CCDC178: variants seen among roughly 807,000 people sequenced by gnomAD.
The protein encoded by CCDC178 is coiled-coil domain-containing protein 178.
Under a neutral mutation model 117.4 loss-of-function variants are expected in CCDC178, and 126 were observed. The observed-to-expected ratio is 1.07, with a 90% confidence interval of 0.93 to 1.24. The LOEUF (loss-of-function observed/expected upper bound fraction) is 1.24. CCDC178 is among the 50% of genes most tolerant of loss of function. CCDC178 has a pLI of 0.00. For missense variants in CCDC178, 1,030 were observed against 986.9 expected (o/e 1.04, Z -0.59); for synonymous variants, 283 against 313.4 (o/e 0.90, Z 1.02).
intron 11 of CCDC178, among the ~76,000 whole-genome samples, chr18:33,312,918 A>G (rs776936630): frequency 1.3e-5 from 2 of 152,210 alleles, no homozygotes; most frequent in Non-Finnish European, 2.9e-5. Flanking sequence ...AGTATACTCC[A>G]GTGGGCCAGA....
intron 2 of CCDC178, among the ~76,000 whole-genome samples, chr18:33,425,573 G>C (rs748497854): frequency 3.0e-4 from 45 of 152,162 alleles, no homozygotes; most frequent in Admixed American, 8.5e-4. Context: ...TCTTACACTT[G>C]ATTCCAATTA....
At chr18:33,275,812 T>C (rs1271525315) in intron 12 of CCDC178, among the ~76,000 whole-genome samples, 5 of 151,890 alleles carry the variant, frequency 3.3e-5, no homozygotes, top group African/African-American at 1.2e-4. Flanking sequence ...AATTTTTTTC[T>C]ACCTAAAACA....
intron 5 of CCDC178, among the ~76,000 whole-genome samples, chr18:33,388,868 C>T (rs1404248157): frequency 6.6e-6 from 1 of 152,012 alleles, no homozygotes; most frequent in Admixed American, 6.6e-5. Flanking sequence ...AGCCATTATC[C>T]TCAGCAAACT....
At position 33,039,992 on chromosome 18, in the gene CCDC178, TA is replaced by T. The variant is rs142435491; in HGVS notation, c.2388+52768del. 7.9e-3 allele frequency among the ~76,000 whole-genome samples: 1,203 copies of T among 151,818 alleles called. 10 individuals carry two copies. Among genetic ancestry groups the T allele is most frequent in the Non-Finnish European group, 9.6e-3 (653 of 67,882 alleles). Reference sequence around the variant, plus strand: ...CAACCACAAGAAAATCCAGGATTTATAAAAAATTACCATAAGAAAAAAAATA... The same window carrying T: ...CAACCACAAGAAAATCCAGGATTTATAAAAATTACCATAAGAAAAAAAATA... On this transcript the variant is annotated intron_variant, in intron 21 of 22. Transcript: ENST00000383096.
chr18:33,197,335 T>A (rs1352295991), intron 20 of CCDC178, among the ~76,000 whole-genome samples: 1 of 152,136 alleles, frequency 6.6e-6, no homozygotes, highest in Non-Finnish European at 1.5e-5. Context: ...AGCCACTTGA[T>A]CTTAGTACCC....
intron 21 of CCDC178, among the ~76,000 whole-genome samples, chr18:33,066,348 T>A (rs905078217): frequency 5.3e-5 from 8 of 151,492 alleles, no homozygotes; most frequent in African/African-American, 1.9e-4. Context: ...GATATATAAG[T>A]AAGAAAGAGA....
intron 7 of CCDC178, among the ~76,000 whole-genome samples, chr18:33,355,426 G>A (rs1293957204): frequency 6.6e-6 from 1 of 152,192 alleles, no homozygotes; most frequent in Non-Finnish European, 1.5e-5. Flanking sequence ...CTCCAATCTT[G>A]GCAGATTTGG....
chr18:33,222,119 A>T (rs530071122), intron 18 of CCDC178, among the ~76,000 whole-genome samples: 1 of 152,222 alleles, frequency 6.6e-6, no homozygotes, highest in East Asian at 1.9e-4. Flanking sequence ...ATTTGGGGGT[A>T]AAACAGTAGA....
At chr18:33,389,495 A>C in intron 5 of CCDC178, 45 bp downstream of exon 5, 1 of 886,740 alleles carries the variant, frequency 1.1e-6, no homozygotes, top group Non-Finnish European at 1.6e-6. Flanking sequence ...GATAATATAA[A>C]TATAGTTTAT....
chr18:33,020,744 G>C (rs1241559054), intron 21 of CCDC178, among the ~76,000 whole-genome samples: 2 of 152,120 alleles, frequency 1.3e-5, no homozygotes, highest in African/African-American at 4.8e-5. Context: ...CCTGCCCACA[G>C]GTGGCCTATG....
intron 11 of CCDC178, among the ~76,000 whole-genome samples, chr18:33,316,540 G>A (rs1000298728): frequency 5.2e-4 from 79 of 152,152 alleles, no homozygotes; most frequent in African/African-American, 1.8e-3. Flanking sequence ...GATGGCGCCC[G>A]GAGAGCAGGT....
intron 21 of CCDC178, among the ~76,000 whole-genome samples, chr18:32,988,079 AAATAATAATAATAATAAT>A (rs145642185): frequency 1.3e-4 from 18 of 141,234 alleles, no homozygotes; most frequent in African/African-American, 2.4e-4. Context: ...ATCCGTCTCA[AAATAATAATAATAATAAT>A]AATAATAATA....
intron 14 of CCDC178, among the ~76,000 whole-genome samples, chr18:33,252,476 A>G (rs1196478304): frequency 1.3e-5 from 2 of 151,858 alleles, no homozygotes; most frequent in Admixed American, 6.6e-5. Context: ...TGTCTGAAAA[A>G]ATTAAAAACC....
At chr18:33,353,611 A>C (rs993543457) in intron 7 of CCDC178, among the ~76,000 whole-genome samples, 3 of 152,124 alleles carry the variant, frequency 2.0e-5, no homozygotes, top group African/African-American at 7.2e-5. Flanking sequence ...TTAACTCTAT[A>C]AAACTTGAAT....
At chr18:33,086,442 A>G (rs1210290872) in intron 21 of CCDC178, among the ~76,000 whole-genome samples, 2 of 150,774 alleles carry the variant, frequency 1.3e-5, no homozygotes, top group Non-Finnish European at 3.0e-5. Flanking sequence ...ACACACACAC[A>G]CACATATATA....
chr18:33,289,569 G>A (rs924691874), intron 12 of CCDC178, among the ~76,000 whole-genome samples: 1 of 151,898 alleles, frequency 6.6e-6, no homozygotes, highest in African/African-American at 2.4e-5. Flanking sequence ...AGCCAAGATC[G>A]CATCACTGCA....
At position 33,371,409 on chromosome 18, in the gene CCDC178, T is replaced by A. The variant is rs537034708; in HGVS notation, c.209-1220A>T. ...TAATCCCCACAACAATCTTATAAAA[T>A]GGGATTATTATCTTGATTTCATAGA... is the stretch of plus-strand genomic sequence containing the variant. On this transcript the variant is annotated intron_variant, in intron 5 of 22. Transcript: ENST00000383096. Among the ~76,000 whole-genome samples the A allele has an allele frequency of 5.9e-5, 9 of 152,020 alleles. No individual in the cohort carries two copies. The South Asian group carries it at 1.9e-3, about 32-fold the overall frequency.
At chr18:33,003,906 T>C (rs997311280) in intron 21 of CCDC178, among the ~76,000 whole-genome samples, 1 of 151,792 alleles carries the variant, frequency 6.6e-6, no homozygotes, top group Non-Finnish European at 1.5e-5. Context: ...AGAAAAGAAA[T>C]CAAGAAAGTA....
chr18:33,226,679 C>T, intron 16 of CCDC178, 114 bp downstream of exon 16: 1 of 616,740 alleles, frequency 1.6e-6, no homozygotes, highest in South Asian at 2.4e-5. Flanking sequence ...GGAGAGAAAA[C>T]TGCTGGCTTG....
Sources: allele counts gnomAD v4.1 joint callset (sites outside exome capture counted in the v4.1 genomes callset), GRCh38; gene constraint gnomAD v4.1.1; transcripts MANE v1.5; gene names NCBI Gene and HGNC (gene_info 2026-07-23, HGNC 2026-07-21).